The following SETDB2 variants were observed in gnomAD, a reference collection of about 807,000 sequenced individuals.
SETDB2 encodes SET domain bifurcated histone lysine methyltransferase 2, also known as histone-lysine N-methyltransferase SETDB2.
A neutral mutation model predicts 82.5 loss-of-function variants in SETDB2; 56 were observed. The ratio of observed to expected loss-of-function variants is 0.68; its 90% CI spans 0.55 to 0.85. SETDB2 has a LOEUF of 0.85. SETDB2 is among the 40% of genes least tolerant of loss of function. The probability of loss-of-function intolerance (pLI) is 0.00; values close to 1 mark genes in which losing one functional copy is unlikely to be tolerated. For synonymous variants in SETDB2, 272 were observed against 284.9 expected (o/e 0.95, Z 0.46); for missense variants, 677 against 816.4 (o/e 0.83, Z 2.08).
At chr13:49,484,585 T>C (rs2138978182) in intron 10 of SETDB2, among the ~76,000 whole-genome samples, 1 of 152,236 alleles carries the variant, frequency 6.6e-6, no homozygotes, top group African/African-American at 2.4e-5. Context: ...TTTTAAGATG[T>C]ATGAGAAAGA....
Position 49,467,955 on chromosome 13 carries a change from A to C in SETDB2, c.300A>C (p.Thr100=). The C allele has an allele frequency of 1.3e-6, 2 of 1,588,100 alleles. No homozygotes were observed. The highest frequency in any genetic ancestry group is 1.7e-6 in the Non-Finnish European group (2 of 1,165,190). ...SCENSFPEDC[T]FLTTENKEIL... is the part of the protein sequence containing the mutation. ...AAAACTCCTTTCCAGAAGACTGTAC[A>C]TTTCTGTATGTATATAAATTCTTTG... is the stretch of plus-strand genomic sequence containing the variant. Residue 100 remains threonine (T), a synonymous_variant, in exon 5 of 14, where the codon ACA becomes ACC. Transcript: ENST00000611815.
Position 49,494,306 on chromosome 13 carries a change from C to T in SETDB2, c.*2457C>T, listed in dbSNP as rs1958765316. The T allele has an allele frequency of 6.6e-6, 1 of 152,104 alleles. No homozygotes were observed. The highest frequency in any genetic ancestry group is 6.6e-5 in the Admixed American group (1 of 15,264). 9.4% of individuals were successfully genotyped at this position (152,104 alleles called of 1,614,324 possible). A position where few individuals can be genotyped will look rare whatever the true frequency, so the allele number is the denominator to read the frequency against. On this transcript the variant is annotated 3_prime_UTR_variant, in exon 14 of 14. Transcript: ENST00000611815. ...TTGTGTGTTTATGTATGTATATGCA[C>T]ACACGTATACATACACATACAGGCA...
Position 49,481,063 on chromosome 13 carries a change from G to C in SETDB2, c.1103G>C (p.Gly368Ala). 1 of 1,614,142 alleles carries C rather than the reference G, an allele frequency of 6.2e-7. No homozygotes were observed. The highest frequency in any genetic ancestry group is 8.5e-7 in the Non-Finnish European group (1 of 1,179,962). Reference sequence around the variant, plus strand: ...TTCAAAACTGAGCAGAAGGGATGGGGTGTACGCTGTCTAGATGACATTGAC... The same window carrying C: ...TTCAAAACTGAGCAGAAGGGATGGGCTGTACGCTGTCTAGATGACATTGAC... ...QVFKTEQKGW[G>A]VRCLDDIDRG... is the part of the protein sequence containing the mutation. Residue 368 changes from glycine to alanine, a missense_variant, in exon 8 of 14, where the codon GGT becomes GCT. Transcript: ENST00000611815.
At chr13:49,469,654 A>T (rs1016602265) in intron 5 of SETDB2, among the ~76,000 whole-genome samples, 4 of 152,206 alleles carry the variant, frequency 2.6e-5, no homozygotes, top group Non-Finnish European at 5.9e-5. Flanking sequence ...CTTGAGGATA[A>T]GTGGTCAAAG....
At chr13:49,487,807 T>C (rs888372793) in intron 11 of SETDB2, among the ~76,000 whole-genome samples, 3 of 152,220 alleles carry the variant, frequency 2.0e-5, no homozygotes, top group African/African-American at 7.2e-5. Context: ...CCCCTAGCAA[T>C]ACAGTTGTCA....
chr13:49,447,945 C>T (rs1315174990), intron 1 of SETDB2, among the ~76,000 whole-genome samples: 1 of 151,654 alleles, frequency 6.6e-6, no homozygotes, highest in Admixed American at 6.6e-5. Context: ...TACAATTCAT[C>T]TGTAAAAGTT....
At chr13:49,449,237 T>G (rs1448337958) in intron 1 of SETDB2, among the ~76,000 whole-genome samples, 1 of 152,132 alleles carries the variant, frequency 6.6e-6, no homozygotes, top group Non-Finnish European at 1.5e-5. Flanking sequence ...TCTCTTTGTA[T>G]CTTTTATATC....
chr13:49,473,132 A>T (rs1390204456), intron 5 of SETDB2, among the ~76,000 whole-genome samples: 1 of 152,216 alleles, frequency 6.6e-6, no homozygotes, highest in East Asian at 1.9e-4. Context: ...AGGATAACCC[A>T]GATACTTTCT....
rs1214231050 is a variant in SETDB2 at position 49,476,830 on chromosome 13, G to A, written c.660G>A (p.Arg220=). 1 of 1,613,974 alleles carries A rather than the reference G, an allele frequency of 6.2e-7. No homozygotes were observed. The highest frequency in any genetic ancestry group is 8.5e-7 in the Non-Finnish European group (1 of 1,180,020). Residue 220 remains arginine (R), a synonymous_variant, in exon 6 of 14, where the codon CGG becomes CGA. Transcript: ENST00000611815. ...TCAATACCTATGTTCAGTTGGCTCG[G>A]AATTACCCAAAGCAAAAAGAAGTTG... The part of the protein sequence containing the change: ...FSFNTYVQLA[R]NYPKQKEVVS...
intron 2 of SETDB2, among the ~76,000 whole-genome samples, chr13:49,452,656 C>T (rs114182401): frequency 0.021 from 3,137 of 152,242 alleles, 104 homozygotes; most frequent in African/African-American, 0.071. Flanking sequence ...CACCACATTC[C>T]ATTTACTTGT....
At chr13:49,473,704 T>A (rs1289244486) in intron 5 of SETDB2, among the ~76,000 whole-genome samples, 1 of 152,146 alleles carries the variant, frequency 6.6e-6, no homozygotes, top group Non-Finnish European at 1.5e-5. Flanking sequence ...AATCTGTAAG[T>A]GTATAAGTAA....
intron 7 of SETDB2, among the ~76,000 whole-genome samples, 193 bp downstream of exon 7, chr13:49,480,528 G>A (rs1016222110): frequency 2.6e-5 from 4 of 152,170 alleles, no homozygotes; most frequent in Admixed American, 1.3e-4. Context: ...CATACATCAT[G>A]CAGAGTGTAC....
Position 49,444,479 on chromosome 13 carries a change from C to T in SETDB2, c.-720C>T. On this transcript the variant is annotated 5_prime_UTR_variant, in exon 1 of 14. Transcript: ENST00000611815. ...GGCGGAGCTCACTCCTCAGGTCAGG[C>T]GGGCGGCGTAGAAAACGCAGCGGAG... 6.1e-6 allele frequency: 1 copy of T among 163,394 alleles called. No homozygotes were observed. 10.1% of individuals were successfully genotyped at this position (163,394 alleles called of 1,614,324 possible).
At chr13:49,459,222 C>A (rs1957946767) in intron 2 of SETDB2, among the ~76,000 whole-genome samples, 1 of 152,176 alleles carries the variant, frequency 6.6e-6, no homozygotes, top group Non-Finnish European at 1.5e-5. Context: ...GACTTTGATA[C>A]CTAAGCCCCT....
At chr13:49,457,231 G>A (rs201309992) in intron 2 of SETDB2, among the ~76,000 whole-genome samples, 1 of 59,582 alleles carries the variant, frequency 1.7e-5, no homozygotes, top group Admixed American at 1.5e-4. Flanking sequence ...TTTTTTTTTT[G>A]AAAGAGTCTC....
At chr13:49,453,051 G>A (rs1010029520) in intron 2 of SETDB2, among the ~76,000 whole-genome samples, 1 of 152,016 alleles carries the variant, frequency 6.6e-6, no homozygotes, top group East Asian at 1.9e-4. Context: ...GTTAAGGAGT[G>A]GGGATTTATG....
At chr13:49,480,117 C>T (rs1958448727) in intron 6 of SETDB2, 102 bp from the exon 7 acceptor site, 1 of 740,818 alleles carries the variant, frequency 1.3e-6, no homozygotes, top group South Asian at 1.9e-5. Flanking sequence ...ATTCTAAATG[C>T]TATTACATCT....
At position 49,460,089 on chromosome 13, in the gene SETDB2, C is replaced by T. The variant is rs1374859942; in HGVS notation, c.17-18C>T. On this transcript the variant is annotated intron_variant, in intron 2 of 13. Transcript: ENST00000611815. ...TTTTTCTATTAGCTCTTAGGCTAGT[C>T]ACTTATTTTTATTTTAGGCGATGCA... The T allele has an allele frequency of 1.9e-6, 3 of 1,605,070 alleles. No homozygotes were observed. Among genetic ancestry groups the T allele is most frequent in the Non-Finnish European group, 1.7e-6 (2 of 1,176,910 alleles).
Position 49,448,903 on chromosome 13 carries a change from A to G in SETDB2, c.-341-2650A>G, listed in dbSNP as rs375573848. On this transcript the variant is annotated intron_variant, in intron 1 of 13. Transcript: ENST00000611815. The stretch of plus-strand genomic sequence containing the variant: ...ATTTTGCTTTATATATTTCAGAGTG[A>G]TGTTATTTGTACATAAAGGGTCATG... Among the ~76,000 whole-genome samples the G allele has an allele frequency of 3.3e-5, 5 of 152,260 alleles. No homozygotes were observed. In the South Asian group the frequency reaches 6.2e-4, roughly 19 times the overall value.
Sources: allele counts gnomAD v4.1 joint callset (sites outside exome capture counted in the v4.1 genomes callset), GRCh38; gene constraint gnomAD v4.1.1; transcripts MANE v1.5; gene names NCBI Gene and HGNC (gene_info 2026-07-23, HGNC 2026-07-21).